The following LTBP1 variants were observed in gnomAD, a reference collection of about 807,000 sequenced individuals.
The protein encoded by LTBP1 is latent transforming growth factor beta binding protein 1.
LTBP1 carries 129 observed loss-of-function variants against 207.6 expected under a neutral mutation model. The ratio of observed to expected loss-of-function variants is 0.62; its 90% CI spans 0.54 to 0.72. The LOEUF (loss-of-function observed/expected upper bound fraction) is 0.72. Ranked by LOEUF, LTBP1 falls within the 30% of genes least tolerant of loss-of-function variation. The pLI, the probability that LTBP1 is intolerant of heterozygous loss-of-function variation, is 0.00. For missense variants in LTBP1, 2,281 were observed against 2,217.2 expected, an observed-to-expected ratio of 1.03 and a Z score of -0.58; for synonymous variants, 963 against 833.7, an observed-to-expected ratio of 1.16 and a Z score of -2.67.
At chr2:32,991,843 A>C (rs1369045294) in intron 2 of LTBP1, among the ~76,000 whole-genome samples, 2 of 151,926 alleles carry the variant, frequency 1.3e-5, no homozygotes, top group African/African-American at 4.8e-5. Context: ...CAAAAAACTC[A>C]CTCCCTCATG....
chr2:33,050,632 A>G (rs1333993049), intron 3 of LTBP1, among the ~76,000 whole-genome samples: 3 of 152,208 alleles, frequency 2.0e-5, no homozygotes, highest in African/African-American at 4.8e-5. Flanking sequence ...TTACTCTGCT[A>G]CAGATAGTGT....
intron 5 of LTBP1, among the ~76,000 whole-genome samples, chr2:33,186,147 T>C (rs1044985936): frequency 1.3e-5 from 2 of 152,230 alleles, no homozygotes; most frequent in South Asian, 4.1e-4. Flanking sequence ...TGATTCAAAC[T>C]ATTCTACTTA....
rs760322782 is a variant in LTBP1 at position 33,363,398 on chromosome 2, G to A, written c.4279G>A (p.Glu1427Lys). Residue 1427 changes from glutamate (E) to lysine (K), a missense_variant, in exon 29 of 34, where the codon GAA becomes AAA. Transcript: ENST00000404816. ...AATTTTTTTCCCCGTAGATGCAGAT[G>A]AATGCCTACTTTTTGGACAAGAAAT... ...AGGENYKDAD[E>K]CLLFGQEICK... 2.5e-6 allele frequency: 4 copies of A among 1,613,658 alleles called. No homozygotes were observed. In the Admixed American group the frequency reaches 6.7e-5, roughly 27 times the overall value.
chr2:33,232,058 G>A (rs1187257871), intron 9 of LTBP1, among the ~76,000 whole-genome samples: 2 of 152,116 alleles, frequency 1.3e-5, no homozygotes, highest in African/African-American at 4.8e-5. Flanking sequence ...GTGAGGGTGA[G>A]AGTGTGATAT....
intron 3 of LTBP1, among the ~76,000 whole-genome samples, chr2:33,080,446 C>G (rs556156685): frequency 6.6e-6 from 1 of 152,200 alleles, no homozygotes; most frequent in Admixed American, 6.5e-5. Context: ...CTACTTAAGT[C>G]TAATGTTCTT....
At chr2:33,290,899 G>A (rs989818298) in intron 19 of LTBP1, among the ~76,000 whole-genome samples, 15 of 152,286 alleles carry the variant, frequency 9.8e-5, no homozygotes, top group South Asian at 4.1e-4. Flanking sequence ...AGAAATCTGG[G>A]CCAACGATAT....
intron 31 of LTBP1, among the ~76,000 whole-genome samples, chr2:33,385,795 A>G (rs771697428): frequency 1.3e-5 from 2 of 152,100 alleles, no homozygotes; most frequent in Non-Finnish European, 2.9e-5. Flanking sequence ...AAAATAATTC[A>G]AAATACATTT....
At chr2:33,092,903 T>TTATACAAAA (rs1266603452) in intron 3 of LTBP1, among the ~76,000 whole-genome samples, 11 of 152,214 alleles carry the variant, frequency 7.2e-5, no homozygotes, top group Non-Finnish European at 1.6e-4. Flanking sequence ...TTGTTCTTTA[T>TTATACAAAA]TATACAAATC....
intron 2 of LTBP1, among the ~76,000 whole-genome samples, chr2:33,011,854 G>C (rs928019715): frequency 6.6e-6 from 1 of 151,942 alleles, no homozygotes; most frequent in African/African-American, 2.4e-5. Flanking sequence ...TCCTGAATCA[G>C]TGGGGTCTAT....
At chr2:33,014,443 C>A (rs1441751248) in intron 2 of LTBP1, among the ~76,000 whole-genome samples, 3 of 152,104 alleles carry the variant, frequency 2.0e-5, no homozygotes, top group Non-Finnish European at 4.4e-5. Context: ...CTTCAAAGGG[C>A]AGCTGGGAAT....
chr2:33,100,356 A>G (rs892370585), intron 3 of LTBP1, among the ~76,000 whole-genome samples: 2 of 152,268 alleles, frequency 1.3e-5, no homozygotes, highest in African/African-American at 4.8e-5. Flanking sequence ...GGATAAAGAC[A>G]TATTTGAAAT....
In LTBP1 at chr2:33,360,803, G is replaced by A. The variant is rs544608896; in HGVS notation, c.4183+24G>A. Reference sequence around the variant, plus strand: ...TGGTAAGAATCCGCTTAGTGGTAGAGTCACACTTGTGTTTGGTCACATGGT... The same window carrying A: ...TGGTAAGAATCCGCTTAGTGGTAGAATCACACTTGTGTTTGGTCACATGGT... On this transcript the variant is annotated intron_variant, in intron 27 of 33. Transcript: ENST00000404816. 8.8e-5 allele frequency: 142 copies of A among 1,610,406 alleles called. No homozygotes were observed. The Admixed American group carries it at 1.8e-3, about 20-fold the overall frequency.
In LTBP1 at chr2:32,959,621, A is replaced by ATATATAT. The variant is rs1475834284; in HGVS notation, c.565+10677_565+10678insATATATT. Among the ~76,000 whole-genome samples, 43 of 36,670 alleles carry ATATATAT rather than the reference A, an allele frequency of 1.2e-3. 1 individual carries two copies. Among genetic ancestry groups the ATATATAT allele is most frequent in the East Asian group, 2.1e-3 (3 of 1,404 alleles). 24.1% of individuals were successfully genotyped at this position (36,670 alleles called of 152,430 possible). A position where few individuals can be genotyped will look rare whatever the true frequency, so the allele number is the denominator to read the frequency against. ...TGTATATATATATATATATATATAT[A>ATATATAT]TTTTTTTTTTTTTTTTTGAGATGGA... On this transcript the variant is annotated intron_variant, in intron 2 of 33. Coordinates refer to ENST00000404816, the MANE Select transcript of LTBP1 (RefSeq NM_206943.4).
chr2:33,149,071 TG>T (rs2083285309), intron 5 of LTBP1, among the ~76,000 whole-genome samples: 1 of 151,530 alleles, frequency 6.6e-6, no homozygotes. Flanking sequence ...AAAAATTAGC[TG>T]GGCGTGGTGG....
intron 25 of LTBP1, among the ~76,000 whole-genome samples, chr2:33,344,751 A>G (rs540129586): frequency 6.6e-6 from 1 of 152,306 alleles, no homozygotes; most frequent in African/African-American, 2.4e-5. Context: ...CCTCTATATG[A>G]TTGAAAACTT....
rs35219261 is a variant in LTBP1, at chr2:33,397,506, C to CTT, written c.4984+241_4984+242dup. Among the ~76,000 whole-genome samples the CTT allele has an allele frequency of 6.9e-3, 778 of 112,118 alleles. 51 individuals are homozygous for CTT. Among genetic ancestry groups the CTT allele is most frequent in the African/African-American group, 0.02 (565 of 28,422 alleles). The allele number at this position is 112,118 out of a possible 152,430, so 73.6% of individuals were successfully genotyped here. A position where few individuals can be genotyped will look rare whatever the true frequency, so the allele number is the denominator to read the frequency against. On this transcript the variant is annotated intron_variant, in intron 33 of 33. Coordinates refer to ENST00000404816, the MANE Select transcript of LTBP1 (RefSeq NM_206943.4). The stretch of plus-strand genomic sequence containing the variant: ...ATGTTCTGTGTATTTTACCACAATT[C>CTT]TTTTTTTTTTTTTTTTTTGAGATGG...
chr2:32,976,455 A>C (rs978587627), intron 2 of LTBP1, among the ~76,000 whole-genome samples: 3 of 152,218 alleles, frequency 2.0e-5, no homozygotes, highest in Non-Finnish European at 4.4e-5. Context: ...TATCCTGGCA[A>C]AATATTTTAC....
In LTBP1 at chr2:33,180,286, A is replaced by G. The variant is rs187950692; in HGVS notation, c.1202-6570A>G. On this transcript the variant is annotated intron_variant, in intron 5 of 33. Transcript: ENST00000404816. ...TTCCATAGGGACAAAACCAGTCCACATTCTTCTTTCTTGGTCATGTGTAGG... is the reference window on the plus strand; with the variant it reads ...TTCCATAGGGACAAAACCAGTCCACGTTCTTCTTTCTTGGTCATGTGTAGG... Among the ~76,000 whole-genome samples, 500 of 152,242 alleles carry G rather than the reference A, an allele frequency of 3.3e-3. 1 individual carries two copies. The highest frequency in any genetic ancestry group is 6.8e-3 in the Middle Eastern group (2 of 294).
In LTBP1 at chr2:33,263,025, A is replaced by G. The variant is rs1401937853; in HGVS notation, c.2518+204A>G. ...TGGGAAAGATAGGTTTTTTTTTTTT[A>G]CTGTTTTCTGTGATCAGGAGTAGTA... On this transcript the variant is annotated intron_variant, in intron 14 of 33. Coordinates refer to ENST00000404816, the MANE Select transcript of LTBP1 (RefSeq NM_206943.4). Among the ~76,000 whole-genome samples the G allele has an allele frequency of 3.3e-5, 5 of 149,268 alleles. No individual in the cohort carries two copies. In the South Asian group the frequency reaches 1.1e-3, roughly 31 times the overall value.
Sources: allele counts gnomAD v4.1 joint callset (sites outside exome capture counted in the v4.1 genomes callset), GRCh38; gene constraint gnomAD v4.1.1; transcripts MANE v1.5; gene names NCBI Gene and HGNC (gene_info 2026-07-23, HGNC 2026-07-21).